DGKB: variants seen among roughly 807,000 people sequenced by gnomAD.
The protein encoded by DGKB is 90 kDa diacylglycerol kinase.
In DGKB, 67 loss-of-function variants were observed where a neutral mutation model predicts 114.3. That is an observed-to-expected ratio of 0.59 (90% CI 0.48 to 0.72). DGKB has a LOEUF of 0.72. Ranked by LOEUF, DGKB falls within the 30% of genes least tolerant of loss-of-function variation. The pLI, the probability that DGKB is intolerant of heterozygous loss-of-function variation, is 0.00. For missense variants in DGKB, 907 were observed against 975.2 expected (o/e 0.93, Z 0.93); for synonymous variants, 398 against 323.1 (o/e 1.23, Z -2.49).
intron 18 of DGKB, among the ~76,000 whole-genome samples, chr7:14,582,530 C>G (rs939543858): frequency 2.6e-5 from 4 of 152,070 alleles, no homozygotes; most frequent in African/African-American, 9.7e-5. Flanking sequence ...TTTAGGTTCC[C>G]TATCTCTACA....
intron 23 of DGKB, 134 bp downstream of exon 23, chr7:14,338,381 T>C: frequency 2.1e-6 from 1 of 481,618 alleles, no homozygotes. Context: ...CACACATGGG[T>C]ATCCCATAAT....
At chr7:14,389,260 T>G (rs933858173) in intron 21 of DGKB, among the ~76,000 whole-genome samples, 8 of 152,204 alleles carry the variant, frequency 5.3e-5, no homozygotes, top group African/African-American at 1.7e-4. Flanking sequence ...ATTACTGTTT[T>G]CACCCATCAA....
chr7:14,636,289 A>G (rs1463259395), intron 13 of DGKB, among the ~76,000 whole-genome samples: 1 of 151,780 alleles, frequency 6.6e-6, no homozygotes, highest in Non-Finnish European at 1.5e-5. Context: ...TAATTAGAAT[A>G]TAATTACCCA....
chr7:14,590,166 A>T (rs1001797724), intron 17 of DGKB, among the ~76,000 whole-genome samples: 9 of 150,782 alleles, frequency 6.0e-5, no homozygotes, highest in Admixed American at 3.3e-4. Context: ...ATAATAATAA[A>T]AAAAAAAACA....
chr7:14,209,841 TATC>T (rs889088406), intron 23 of DGKB, among the ~76,000 whole-genome samples: 2 of 152,026 alleles, frequency 1.3e-5, no homozygotes, highest in Non-Finnish European at 2.9e-5. Flanking sequence ...ATCATTATAT[TATC>T]ATTTTGTTAA....
intron 23 of DGKB, among the ~76,000 whole-genome samples, chr7:14,326,724 C>T (rs553797421): frequency 6.6e-6 from 1 of 152,064 alleles, no homozygotes; most frequent in Admixed American, 6.6e-5. Flanking sequence ...GCTTCCTCTG[C>T]AAAACAAAAA....
At chr7:14,163,966 G>C (rs913393317) in intron 25 of DGKB, among the ~76,000 whole-genome samples, 1 of 151,628 alleles carries the variant, frequency 6.6e-6, no homozygotes, top group Non-Finnish European at 1.5e-5. Context: ...TTGCACACCT[G>C]CCTGGGCAAC....
chr7:14,705,906 A>G (rs1826137652), intron 6 of DGKB, among the ~76,000 whole-genome samples: 1 of 152,184 alleles, frequency 6.6e-6, no homozygotes, highest in Non-Finnish European at 1.5e-5. Context: ...AACTGCATCA[A>G]ATAACGAGCA....
Position 14,694,093 on chromosome 7 carries a change from C to T in DGKB, c.693G>A (p.Val231=), listed in dbSNP as rs1260559542. The T allele has an allele frequency of 6.3e-7, 1 of 1,590,422 alleles. No individual in the cohort carries two copies. Among genetic ancestry groups the T allele is most frequent in the Admixed American group, 1.8e-5 (1 of 56,938 alleles). ...TGCTTACATTTTCTAAGCCCAGGAG[C>T]ACAAGAAGTGGAATCGTTGTCATTC... The part of the protein sequence containing the change: ...QGGMTTIPLL[V]LLGLENNVKD... Residue 231 remains valine, a synonymous_variant, in exon 9 of 26, where the codon GTG becomes GTA. Transcript: ENST00000402815.
At chr7:14,270,503 C>A in intron 23 of DGKB, among the ~76,000 whole-genome samples, 1 of 152,188 alleles carries the variant, frequency 6.6e-6, no homozygotes, top group East Asian at 1.9e-4. Context: ...GTTTACAAAG[C>A]ACTTCCTTTT....
At chr7:14,557,302 T>C (rs1008519557) in intron 20 of DGKB, among the ~76,000 whole-genome samples, 1 of 152,236 alleles carries the variant, frequency 6.6e-6, no homozygotes, top group African/African-American at 2.4e-5. Context: ...ACACAGATGA[T>C]ATACTTATTT....
At position 14,555,038 on chromosome 7, in the gene DGKB, G is replaced by A. The variant is rs113827430; in HGVS notation, c.1770+19174C>T. Among the ~76,000 whole-genome samples, 1,057 of 152,074 alleles carry A rather than the reference G, an allele frequency of 7.0e-3. 15 individuals carry two copies. Among genetic ancestry groups the A allele is most frequent in the African/African-American group, 0.024 (1,010 of 41,484 alleles). On this transcript the variant is annotated intron_variant, in intron 20 of 25. Transcript: ENST00000402815. ...GGTCTCTGACAAGTTTTCCTGTTCC[G>A]GATGATAGCAATTTACTTCTATATT...
chr7:14,503,565 T>C (rs537530352), intron 20 of DGKB, among the ~76,000 whole-genome samples: 1 of 152,272 alleles, frequency 6.6e-6, no homozygotes, highest in Admixed American at 6.5e-5. Flanking sequence ...TTTATGGAAG[T>C]GGTTTTAAAA....
intron 1 of DGKB, among the ~76,000 whole-genome samples, chr7:14,964,634 T>C (rs765110373): frequency 2.0e-5 from 3 of 152,150 alleles, no homozygotes; most frequent in Non-Finnish European, 4.4e-5. Context: ...TCTATCATAA[T>C]TGGAAGTTTG....
intron 23 of DGKB, among the ~76,000 whole-genome samples, chr7:14,222,318 A>G (rs1790116880): frequency 6.6e-6 from 1 of 151,110 alleles, no homozygotes. Context: ...TAAACACTGC[A>G]TCCCCAAAAT....
chr7:14,651,245 C>T (rs1221209339), intron 13 of DGKB, among the ~76,000 whole-genome samples: 1 of 152,100 alleles, frequency 6.6e-6, no homozygotes, highest in Non-Finnish European at 1.5e-5. Context: ...GCAAAAAATC[C>T]TCAATAAAAT....
intron 2 of DGKB, among the ~76,000 whole-genome samples, chr7:14,764,849 A>G (rs1183481528): frequency 6.6e-6 from 1 of 151,950 alleles, no homozygotes; most frequent in East Asian, 1.9e-4. Context: ...TTTGGAATCC[A>G]GCAGAGAGAT....
chr7:14,308,262 A>C (rs565356518), intron 23 of DGKB, among the ~76,000 whole-genome samples: 10 of 152,190 alleles, frequency 6.6e-5, no homozygotes, highest in Admixed American at 3.3e-4. Flanking sequence ...TGCCATGAGT[A>C]ATTTAATAAT....
intron 2 of DGKB, among the ~76,000 whole-genome samples, chr7:14,808,623 T>C (rs1456957806): frequency 6.6e-6 from 1 of 152,046 alleles, no homozygotes; most frequent in Non-Finnish European, 1.5e-5. Flanking sequence ...AAAAAATGAA[T>C]GCAGCAGAAG....
Sources: gnomAD v4.1 joint callset for allele counts (sites outside exome capture counted in the v4.1 genomes callset) on GRCh38, gnomAD v4.1.1 for gene constraint, MANE v1.5 for transcripts, NCBI Gene and HGNC (gene_info 2026-07-23, HGNC 2026-07-21) for gene names.